The following TBC1D5 variants were observed in gnomAD, a reference collection of about 807,000 sequenced individuals.
TBC1D5 encodes the protein TBC1 domain family member 5, also known as TBC1 domain family, member 5.
In TBC1D5, 75 loss-of-function variants were observed where a neutral mutation model predicts 100.3. The observed-to-expected ratio is 0.75, with a 90% CI of 0.62 to 0.91. TBC1D5 has a LOEUF of 0.91. Ranked by LOEUF, TBC1D5 falls within the 40% of genes least tolerant of loss-of-function variation. The pLI, the probability that TBC1D5 is intolerant of heterozygous loss-of-function variation, is 0.00. For missense variants in TBC1D5, 910 were observed against 942.4 expected (o/e 0.97, Z 0.45); for synonymous variants, 323 against 325.6 (o/e 0.99, Z 0.09).
chr3:17,634,943 T>C (rs745906187), intron 1 of TBC1D5, among the ~76,000 whole-genome samples: 2 of 152,184 alleles, frequency 1.3e-5, no homozygotes, highest in Non-Finnish European at 2.9e-5. Flanking sequence ...CAGTTAAAAT[T>C]AGGATGAAAG....
chr3:17,576,462 A>C (rs1163606921), intron 2 of TBC1D5: 2 of 148,516 alleles, frequency 1.3e-5, no homozygotes, highest in Non-Finnish European at 3.0e-5. Context: ...GCAACAACAG[A>C]AAAAAAAAAT....
Position 17,602,317 on chromosome 3 carries a change from G to A in TBC1D5, c.-36+21532C>T, listed in dbSNP as rs868308529. Among the ~76,000 whole-genome samples the A allele has an allele frequency of 9.9e-5, 15 of 152,138 alleles. No individual in the cohort carries two copies. The Middle Eastern group carries it at 0.014, about 138-fold the overall frequency. ...AAGTTCGTGTCTTCTATACCCATGC[G>A]CTCATAACATTGAAATGTGTGATTC... On this transcript the variant is annotated intron_variant, in intron 2 of 21. Coordinates refer to ENST00000253692, the Ensembl canonical transcript of TBC1D5.
intron 14 of TBC1D5, among the ~76,000 whole-genome samples, chr3:17,304,486 C>T (rs2083195126): frequency 6.6e-6 from 1 of 152,200 alleles, no homozygotes; most frequent in Non-Finnish European, 1.5e-5. Flanking sequence ...CGGCTCACTG[C>T]AGCCTTGACC....
At chr3:17,672,035 A>G (rs2068002068) in intron 1 of TBC1D5, among the ~76,000 whole-genome samples, 1 of 152,232 alleles carries the variant, frequency 6.6e-6, no homozygotes, top group Non-Finnish European at 1.5e-5. Context: ...TCGGCATTCT[A>G]TAAGCCAGCT....
At chr3:17,501,146 TCTAA>T (rs1190006713) in intron 3 of TBC1D5, among the ~76,000 whole-genome samples, 2 of 149,702 alleles carry the variant, frequency 1.3e-5, no homozygotes, top group Admixed American at 1.3e-4. Context: ...AACCTTACAG[TCTAA>T]CTTACAGTTT....
intron 3 of TBC1D5, among the ~76,000 whole-genome samples, chr3:17,457,228 T>C (rs1412764584): frequency 6.6e-6 from 1 of 152,200 alleles, no homozygotes; most frequent in Non-Finnish European, 1.5e-5. Context: ...TCTAGTTTGA[T>C]GTCTGTCATT....
At chr3:17,627,262 G>C (rs989924557) in intron 1 of TBC1D5, among the ~76,000 whole-genome samples, 1 of 152,130 alleles carries the variant, frequency 6.6e-6, no homozygotes, top group African/African-American at 2.4e-5. Context: ...TGACTGGAGC[G>C]GACAGACAGT....
chr3:17,663,867 AGAT>A (rs1343390049), intron 1 of TBC1D5, among the ~76,000 whole-genome samples: 1 of 152,224 alleles, frequency 6.6e-6, no homozygotes, highest in Non-Finnish European at 1.5e-5. Flanking sequence ...CTATTAAAAG[AGAT>A]GATATAGGCT....
At chr3:17,681,971 G>A (rs2069547092) in intron 1 of TBC1D5, among the ~76,000 whole-genome samples, 1 of 151,550 alleles carries the variant, frequency 6.6e-6, no homozygotes. Context: ...TAGGTTGCCT[G>A]CACCTTATGA....
intron 13 of TBC1D5, among the ~76,000 whole-genome samples, chr3:17,335,896 T>C (rs2087692424): frequency 6.6e-6 from 1 of 152,148 alleles, no homozygotes. Flanking sequence ...CCCAAATAAG[T>C]ATTGCAACAA....
At chr3:17,740,570 G>C (rs1165402050) in exon 1 of TBC1D5, 2 of 152,160 alleles carry the variant, frequency 1.3e-5, no homozygotes, top group African/African-American at 4.8e-5. Context: ...GTGTTATGAA[G>C]TTATGTGTGA....
At chr3:17,278,925 T>A (rs2080298002) in intron 15 of TBC1D5, among the ~76,000 whole-genome samples, 1 of 152,228 alleles carries the variant, frequency 6.6e-6, no homozygotes, top group Non-Finnish European at 1.5e-5. Context: ...CTTTTAGGTG[T>A]TCTTTGAGAA....
At chr3:17,233,631 T>C (rs2075614246) in intron 17 of TBC1D5, 54 bp downstream of exon 18, 13 of 1,083,350 alleles carry the variant, frequency 1.2e-5, no homozygotes, top group Non-Finnish European at 1.6e-5. Flanking sequence ...GAGTAGGCAA[T>C]GATAATACTG....
At chr3:17,681,080 A>G (rs994234750) in intron 1 of TBC1D5, among the ~76,000 whole-genome samples, 9 of 151,514 alleles carry the variant, frequency 5.9e-5, no homozygotes, top group Admixed American at 2.0e-4. Context: ...TACTTGTCAT[A>G]ATTATAAAGA....
intron 4 of TBC1D5, among the ~76,000 whole-genome samples, chr3:17,419,631 C>T (rs1473803426): frequency 6.6e-6 from 1 of 152,114 alleles, no homozygotes; most frequent in Non-Finnish European, 1.5e-5. Flanking sequence ...TCCTAACACC[C>T]ACCATCCCAA....
chr3:17,669,379 A>G lies in TBC1D5; in HGVS notation c.-100-45466T>C, dbSNP rs546487306. 7.1e-4 allele frequency among the ~76,000 whole-genome samples: 108 copies of G among 152,300 alleles called. 1 individual carries two copies. The highest frequency in any genetic ancestry group is 2.5e-3 in the African/African-American group (103 of 41,572). On this transcript the variant is annotated intron_variant, in intron 1 of 21. Transcript: ENST00000253692. ...GGACTAATACAACGACAAAGAAGATAATAATCATTTATAATTCAGGGGTTA... is the reference window on the plus strand; with the variant it reads ...GGACTAATACAACGACAAAGAAGATGATAATCATTTATAATTCAGGGGTTA...
chr3:17,530,243 C>CA (rs57879135), intron 2 of TBC1D5, among the ~76,000 whole-genome samples: 7,175 of 57,906 alleles, frequency 0.12, 397 homozygotes, highest in African/African-American at 0.23. Context: ...GACTTCGTCT[C>CA]AAAAAAAAAA....
At chr3:17,444,096 C>G (rs2094726453) in intron 3 of TBC1D5, among the ~76,000 whole-genome samples, 1 of 151,994 alleles carries the variant, frequency 6.6e-6, no homozygotes, top group Non-Finnish European at 1.5e-5. Context: ...GAGATTATAA[C>G]AGAATGTAAA....
At chr3:17,284,284 A>T (rs1165160377) in intron 15 of TBC1D5, among the ~76,000 whole-genome samples, 1 of 151,948 alleles carries the variant, frequency 6.6e-6, no homozygotes, top group Non-Finnish European at 1.5e-5. Context: ...TGTCTGGCTA[A>T]TTTTTGTATT....
Sources: allele counts gnomAD v4.1 joint callset (sites outside exome capture counted in the v4.1 genomes callset), GRCh38; gene constraint gnomAD v4.1.1; transcripts MANE v1.5; gene names NCBI Gene and HGNC (gene_info 2026-07-23, HGNC 2026-07-21).